Variants in CLTRN observed in about 807,000 individuals in gnomAD.
The protein encoded by CLTRN is collectrin, amino acid transport regulator, also known as collectrin.
A neutral mutation model predicts 14.5 loss-of-function variants in CLTRN; 12 were observed. The observed-to-expected ratio is 0.83, with a 90% CI of 0.53 to 1.34. CLTRN has a LOEUF of 1.34. CLTRN is among the 40% of genes most tolerant of loss of function. CLTRN has a pLI of 0.00. For synonymous variants in CLTRN, 58 were observed against 56.5 expected (o/e 1.03, Z -0.12); for missense variants, 154 against 165.1 (o/e 0.93, Z 0.37).
intron 3 of CLTRN, among the ~76,000 whole-genome samples, chrX:15,647,048 G>A (rs1601727655): frequency 8.9e-6 from 1 of 112,712 alleles, no homozygotes; most frequent in Admixed American, 9.2e-5. Context: ...AGGAGCGCTA[G>A]GCCTGCGGGT....
At chrX:15,674,291 C>CA (rs1309291328) in intron 1 of CLTRN, among the ~76,000 whole-genome samples, 1 of 111,770 alleles carries the variant, frequency 8.9e-6, no homozygotes, top group Admixed American at 9.4e-5. Flanking sequence ...GGGCTGCAAA[C>CA]AGAGGTCTGA....
At chrX:15,659,235 A>C in intron 2 of CLTRN, 134 bp from the exon 3 acceptor site, 10 of 273,537 alleles carry the variant, frequency 3.7e-5, no homozygotes, top group Non-Finnish European at 5.4e-5. Flanking sequence ...CACGTTTCTC[A>C]TATATTAGAT....
At chrX:15,631,645 A>T (rs1928697141) in intron 5 of CLTRN, among the ~76,000 whole-genome samples, 1 of 112,334 alleles carries the variant, frequency 8.9e-6, no homozygotes, top group African/African-American at 3.2e-5. Flanking sequence ...TAATATCTCA[A>T]CCAAAAAGAT....
intron 3 of CLTRN, 101 bp downstream of exon 3, chrX:15,658,915 A>C: frequency 2.6e-6 from 1 of 385,360 alleles, no homozygotes; most frequent in Non-Finnish European, 4.4e-6. Context: ...CCCTTTGAAA[A>C]ATTAGCTTAA....
intron 1 of CLTRN, among the ~76,000 whole-genome samples, chrX:15,673,011 T>C (rs776533345): frequency 1.8e-5 from 2 of 112,422 alleles, no homozygotes; most frequent in South Asian, 3.6e-4. Context: ...ATGAAATTGA[T>C]TCAGTGCCCT....
chrX:15,665,007 C>A, upstream of CLTRN: 1 of 386,594 alleles, frequency 2.6e-6, no homozygotes. Context: ...TAGTTGTTTT[C>A]CCTACTCTGA....
chrX:15,671,508 C>A (rs1290698384), intron 1 of CLTRN, among the ~76,000 whole-genome samples: 2 of 110,854 alleles, frequency 1.8e-5, no homozygotes, highest in Non-Finnish European at 3.8e-5. Flanking sequence ...AAGTTGGGTT[C>A]TGATCTTAGA....
At chrX:15,637,108 A>G (rs1223296730) in intron 5 of CLTRN, among the ~76,000 whole-genome samples, 1 of 111,707 alleles carries the variant, frequency 9.0e-6, no homozygotes, top group African/African-American at 3.3e-5. Context: ...ACTCTTCTCC[A>G]TAGAAGCAGA....
At chrX:15,655,484 A>G (rs1929333216) in intron 3 of CLTRN, among the ~76,000 whole-genome samples, 1 of 111,125 alleles carries the variant, frequency 9.0e-6, no homozygotes, top group African/African-American at 3.3e-5. Flanking sequence ...CTCCAGCCTC[A>G]CTCTGCTGCC....
chrX:15,637,420 A>AATTTATCT, intron 5 of CLTRN, among the ~76,000 whole-genome samples: 1 of 111,686 alleles, frequency 9.0e-6, no homozygotes, highest in Non-Finnish European at 1.9e-5. Flanking sequence ...CACAACAAAC[A>AATTTATCT]ATTTATCTTC....
At chrX:15,636,734 A>C (rs764175145) in intron 5 of CLTRN, among the ~76,000 whole-genome samples, 1 of 111,785 alleles carries the variant, frequency 8.9e-6, no homozygotes. Context: ...CAATGGCTTA[A>C]GCCGATCTTG....
chrX:15,647,534 G>A (rs1361525313), intron 3 of CLTRN, among the ~76,000 whole-genome samples: 1 of 79,702 alleles, frequency 1.3e-5, no homozygotes, highest in Non-Finnish European at 2.5e-5. Context: ...TCTTGGTGGG[G>A]GGGGGAGGGG....
chrX:15,635,868 C>T (rs6632684), intron 5 of CLTRN, among the ~76,000 whole-genome samples: 22,100 of 110,633 alleles, frequency 0.2, 1,918 homozygotes, highest in East Asian at 0.52. Context: ...ACAAATAACC[C>T]AATTTTAAAA....
intron 1 of CLTRN, among the ~76,000 whole-genome samples, chrX:15,670,672 G>A (rs1436125831): frequency 2.7e-5 from 3 of 111,135 alleles, no homozygotes; most frequent in Non-Finnish European, 1.9e-5. Context: ...TTGTGCTCCA[G>A]AGACACTTGG....
intron 3 of CLTRN, chrX:15,646,767 A>G (rs994172970): frequency 2.7e-5 from 9 of 335,982 alleles, no homozygotes; most frequent in African/African-American, 5.4e-5. Flanking sequence ...CCTGGCCTAC[A>G]TGAAGCGGTG....
At chrX:15,647,025 G>A (rs1198295945) in intron 3 of CLTRN, 5 of 249,051 alleles carry the variant, frequency 2.0e-5, no homozygotes, top group African/African-American at 1.1e-4. Context: ...GCCGCCAGGC[G>A]CCCGGTCGCC....
chrX:15,640,065 C>T (rs1301196638), intron 4 of CLTRN, among the ~76,000 whole-genome samples: 4 of 109,793 alleles, frequency 3.6e-5, no homozygotes, highest in South Asian at 3.8e-4. Context: ...GTAAGGTAGA[C>T]GGAGGGACTC....
rs750096556 is a variant in CLTRN, at chrX:15,674,686, G to T, written c.-506+303C>A. Reference sequence around the variant, plus strand: ...CCGCGGACATCTGGTTCCAGGACCTGGACAGTCCTCTCTGGAGACTGGTGG... The same window carrying T: ...CCGCGGACATCTGGTTCCAGGACCTTGACAGTCCTCTCTGGAGACTGGTGG... On this transcript the variant is annotated intron_variant, in intron 1 of 6. Transcript: ENST00000650271. Among the ~76,000 whole-genome samples, 4 of 112,831 alleles carry T rather than the reference G, an allele frequency of 3.5e-5. No homozygotes were observed. In the East Asian group the frequency reaches 1.1e-3, roughly 32 times the overall value.
At chrX:15,634,759 A>G (rs1475434174) in intron 5 of CLTRN, among the ~76,000 whole-genome samples, 18 of 82,620 alleles carry the variant, frequency 2.2e-4, no homozygotes, top group African/African-American at 7.5e-4. Context: ...CAGGAAGGGG[A>G]ATATCACACT....
Sources: gnomAD v4.1 joint callset for allele counts (sites outside exome capture counted in the v4.1 genomes callset) on GRCh38, gnomAD v4.1.1 for gene constraint, MANE v1.5 for transcripts, NCBI Gene and HGNC (gene_info 2026-07-23, HGNC 2026-07-21) for gene names.